Variants in KDM2A observed in about 807,000 individuals in gnomAD.
KDM2A encodes lysine-specific demethylase 2A.
A neutral mutation model predicts 137.3 loss-of-function variants in KDM2A; 3 were observed. The observed-to-expected ratio is 0.02, with a 90% CI of 0.01 to 0.06. KDM2A has a LOEUF of 0.06. Ranked by LOEUF, KDM2A falls within the 10% of genes least tolerant of loss-of-function variation. The probability of loss-of-function intolerance (pLI) is 1.00; values close to 1 mark genes in which losing one functional copy is unlikely to be tolerated. For synonymous variants in KDM2A, 512 were observed against 541.5 expected (o/e 0.95, Z 0.76); for missense variants, 738 against 1,510.6 (o/e 0.49, Z 8.48).
At chr11:67,137,558 G>T (rs1233758552) in intron 2 of KDM2A, among the ~76,000 whole-genome samples, 1 of 152,110 alleles carries the variant, frequency 6.6e-6, no homozygotes, top group Non-Finnish European at 1.5e-5. Context: ...TCAGTGTAAA[G>T]GAGGTAAATA....
At chr11:67,204,033 T>G (rs1640012840) in intron 5 of KDM2A, among the ~76,000 whole-genome samples, 1 of 152,014 alleles carries the variant, frequency 6.6e-6, no homozygotes, top group African/African-American at 2.4e-5. Context: ...ACTCCTGACC[T>G]CAAGTGATCT....
At chr11:67,203,692 T>G (rs1760869033) in intron 5 of KDM2A, among the ~76,000 whole-genome samples, 1 of 151,086 alleles carries the variant, frequency 6.6e-6, no homozygotes, top group African/African-American at 2.4e-5. Flanking sequence ...AGGCAGAGGT[T>G]GCATTGAGTC....
At chr11:67,176,045 G>A (rs1479590153) in intron 2 of KDM2A, among the ~76,000 whole-genome samples, 1 of 152,136 alleles carries the variant, frequency 6.6e-6, no homozygotes. Flanking sequence ...GGCATTATTG[G>A]TGTCAGTGAA....
At chr11:67,247,149 G>A (rs1200386848) in intron 15 of KDM2A, among the ~76,000 whole-genome samples, 15 of 128,616 alleles carry the variant, frequency 1.2e-4, no homozygotes, top group African/African-American at 4.5e-4. Flanking sequence ...GAGTGCAGTG[G>A]CGTGACCTCG....
rs779061012 is a variant in KDM2A at position 67,250,306 on chromosome 11, G to A, written c.2276G>A (p.Arg759Gln). The A allele has an allele frequency of 2.5e-6, 4 of 1,613,932 alleles. No individual in the cohort carries two copies. The highest frequency in any genetic ancestry group is 3.4e-6 in the Non-Finnish European group (4 of 1,179,894). Reference sequence around the variant, plus strand: ...GCCAGCCGCGATGAGCGCTTCAAACGGCGGCAGTTGCTGCGGCTGCAGGCC... The same window carrying A: ...GCCAGCCGCGATGAGCGCTTCAAACAGCGGCAGTTGCTGCGGCTGCAGGCC... ...HSASRDERFKRRQLLRLQATE... is the reference protein window; with the variant it reads ...HSASRDERFKQRQLLRLQATE... The change falls in exon 17 of 21, where the codon CGG becomes CAG. Residue 759 changes from arginine (R) to glutamine (Q), a missense_variant. Physicochemically the swap from Arg to Gln is conservative, Grantham distance 43. Around this residue, in one of 9 missense-constraint regions of KDM2A, gnomAD observed 244 missense variants for 324.6 expected, o/e 0.75. Coordinates refer to ENST00000529006, the MANE Select transcript of KDM2A (RefSeq NM_012308.3). This position sits in a 1 kb window ranked among gnomAD's most constrained non-coding sequence, Gnocchi z 7.1.
At chr11:67,147,338 T>C (rs758224814) in intron 2 of KDM2A, among the ~76,000 whole-genome samples, 4 of 151,790 alleles carry the variant, frequency 2.6e-5, no homozygotes, top group Admixed American at 6.6e-5. Flanking sequence ...GTCAGGAGAT[T>C]GAGACCATCC....
intron 3 of KDM2A, chr11:67,180,538 A>G (rs1212036646): frequency 3.8e-5 from 8 of 212,876 alleles, no homozygotes; most frequent in Non-Finnish European, 6.5e-5. Flanking sequence ...CCTTTTATGT[A>G]TATATCTACC....
chr11:67,252,016 C>T (rs1217257527), intron 17 of KDM2A, among the ~76,000 whole-genome samples: 3 of 152,158 alleles, frequency 2.0e-5, no homozygotes, highest in Non-Finnish European at 4.4e-5. Context: ...AAATTGAAGC[C>T]AGCATGTTGT....
intron 10 of KDM2A, among the ~76,000 whole-genome samples, chr11:67,225,158 C>T (rs985597476): frequency 6.6e-6 from 1 of 152,076 alleles, no homozygotes; most frequent in Non-Finnish European, 1.5e-5. Context: ...ATAACTTTGC[C>T]ACGAACTATC....
At chr11:67,201,222 G>A (rs1042553128) in intron 5 of KDM2A, among the ~76,000 whole-genome samples, 9 of 126,632 alleles carry the variant, frequency 7.1e-5, no homozygotes, top group African/African-American at 4.6e-4. Flanking sequence ...ATATATATGT[G>A]TGTGTGTGTG....
intron 2 of KDM2A, among the ~76,000 whole-genome samples, chr11:67,133,327 C>G (rs1300271456): frequency 4.6e-5 from 7 of 152,054 alleles, no homozygotes; most frequent in Admixed American, 4.6e-4. Context: ...GTCTCAAACT[C>G]CTGACCTCAA....
In KDM2A at chr11:67,123,026, A is replaced by G. The variant is rs138740000; in HGVS notation, c.42+1668A>G. Among the ~76,000 whole-genome samples, 330 of 152,002 alleles carry G rather than the reference A, an allele frequency of 2.2e-3. 1 individual carries two copies. The highest frequency in any genetic ancestry group is 8.7e-3 in the South Asian group (42 of 4,804). On this transcript the variant is annotated intron_variant, in intron 2 of 20. Coordinates refer to ENST00000529006, the MANE Select transcript of KDM2A (RefSeq NM_012308.3). Reference sequence around the variant, plus strand: ...TCTTGCTCTGCCCAGGGTGACGTTCAGTGATGTGATCATAACTCACTGTAG... The same window carrying G: ...TCTTGCTCTGCCCAGGGTGACGTTCGGTGATGTGATCATAACTCACTGTAG...
intron 12 of KDM2A, among the ~76,000 whole-genome samples, chr11:67,236,700 A>G (rs1157515862): frequency 6.6e-6 from 1 of 152,184 alleles, no homozygotes; most frequent in East Asian, 1.9e-4. Flanking sequence ...TCTATAAAAT[A>G]TCTGTGAGAT....
chr11:67,195,215 A>G (rs1312104608), intron 5 of KDM2A, among the ~76,000 whole-genome samples: 1 of 151,978 alleles, frequency 6.6e-6, no homozygotes, highest in Non-Finnish European at 1.5e-5. Flanking sequence ...AAGTTGCATA[A>G]CAAATTAGCC....
intron 2 of KDM2A, among the ~76,000 whole-genome samples, chr11:67,145,989 TTTTTTTTTG>T (rs1285715225): frequency 6.8e-6 from 1 of 147,312 alleles, no homozygotes; most frequent in Non-Finnish European, 1.5e-5. Context: ...TTTTGTTTTG[TTTTTTTTTG>T]TTTTTTTTTT....
intron 2 of KDM2A, chr11:67,143,371 G>C (rs913968687): frequency 6.6e-6 from 1 of 151,930 alleles, no homozygotes; most frequent in African/African-American, 2.4e-5. Context: ...CACTAGCATC[G>C]GTATGAAATA....
intron 2 of KDM2A, among the ~76,000 whole-genome samples, chr11:67,127,725 G>A (rs1855762337): frequency 6.6e-6 from 1 of 151,710 alleles, no homozygotes; most frequent in African/African-American, 2.4e-5. Context: ...TATTTATTTT[G>A]AGATGGAGTT....
At chr11:67,252,540 C>T (rs1403605570) in intron 17 of KDM2A, 154 bp from the exon 18 acceptor site, 4 of 833,712 alleles carry the variant, frequency 4.8e-6, no homozygotes, top group Admixed American at 2.2e-5. Flanking sequence ...TTTGCCTATT[C>T]TGTGAGGCAA....
intron 2 of KDM2A, among the ~76,000 whole-genome samples, chr11:67,163,170 A>G (rs748632106): frequency 2.6e-5 from 4 of 152,050 alleles, no homozygotes; most frequent in African/African-American, 4.8e-5. Flanking sequence ...CTAGCGCTAC[A>G]CTTTCGTATT....
Sources: gnomAD v4.1 joint callset for allele counts (sites outside exome capture counted in the v4.1 genomes callset) on GRCh38, gnomAD v4.1.1 for gene constraint, gnomAD v4.1.1 regional missense constraint, Gnocchi (gnomAD v3.1) non-coding constraint, MANE v1.5 for transcripts, NCBI Gene and HGNC (gene_info 2026-07-23, HGNC 2026-07-21) for gene names.